The following MACROD2 variants were observed in gnomAD, a reference collection of about 807,000 sequenced individuals.
MACROD2 encodes ADP-ribose glycohydrolase MACROD2.
A neutral mutation model predicts 70.4 loss-of-function variants in MACROD2; 36 were observed. That is an observed-to-expected ratio of 0.51 (90% confidence interval 0.39 to 0.68). The LOEUF is 0.68. MACROD2 is among the 30% of genes least tolerant of loss of function. MACROD2 has a pLI of 0.00. For missense variants in MACROD2, 496 were observed against 538.4 expected (o/e 0.92, Z 0.78); for synonymous variants, 172 against 178.8 (o/e 0.96, Z 0.30).
intron 5 of MACROD2, among the ~76,000 whole-genome samples, chr20:14,732,628 C>T (rs1025134184): frequency 1.3e-5 from 2 of 152,036 alleles, no homozygotes; most frequent in African/African-American, 4.8e-5. Flanking sequence ...TGTTTTAGCC[C>T]GTATCTCAGG....
chr20:15,144,286 T>C (rs1208155971), intron 5 of MACROD2, among the ~76,000 whole-genome samples: 2 of 152,164 alleles, frequency 1.3e-5, no homozygotes, highest in African/African-American at 2.4e-5. Flanking sequence ...TGCAAGTGGT[T>C]GGTGATCAAA....
chr20:15,347,155 A>T (rs7266694), intron 6 of MACROD2, among the ~76,000 whole-genome samples: 1,925 of 152,238 alleles, frequency 0.013, 40 homozygotes, highest in African/African-American at 0.043. Flanking sequence ...CATACTTCAA[A>T]TTATTTCTCA....
chr20:14,527,646 A>G (rs17812749), intron 4 of MACROD2, among the ~76,000 whole-genome samples: 23,172 of 152,242 alleles, frequency 0.15, 2,527 homozygotes, highest in Non-Finnish European at 0.22. Flanking sequence ...CACGCTGTGC[A>G]TTATGGAATC....
chr20:15,037,950 CA>C (rs11087117), intron 5 of MACROD2, among the ~76,000 whole-genome samples: 73,481 of 150,984 alleles, frequency 0.49, 19,075 homozygotes, highest in African/African-American at 0.69. Flanking sequence ...GTTCTCACTA[CA>C]AAAAAAAATG....
chr20:15,059,574 C>T (rs369124467), intron 5 of MACROD2, among the ~76,000 whole-genome samples: 3 of 152,062 alleles, frequency 2.0e-5, no homozygotes, highest in Non-Finnish European at 2.9e-5. Flanking sequence ...ATTAAAGAGA[C>T]AGCTGTGCCA....
At chr20:14,984,506 G>T (rs577543184) in intron 5 of MACROD2, among the ~76,000 whole-genome samples, 2 of 152,216 alleles carry the variant, frequency 1.3e-5, no homozygotes, top group African/African-American at 2.4e-5. Context: ...TTGGTAACTT[G>T]TAATCAGCTG....
chr20:15,885,505 C>A (rs567770717), intron 9 of MACROD2, among the ~76,000 whole-genome samples: 1 of 152,122 alleles, frequency 6.6e-6, no homozygotes, highest in African/African-American at 2.4e-5. Flanking sequence ...GTAAAACAAA[C>A]GATTGCATAT....
intron 2 of MACROD2, among the ~76,000 whole-genome samples, chr20:14,035,192 C>G (rs989243880): frequency 6.6e-6 from 1 of 152,122 alleles, no homozygotes; most frequent in African/African-American, 2.4e-5. Flanking sequence ...TTTGTACTTG[C>G]TATTTCTCTT....
intron 3 of MACROD2, among the ~76,000 whole-genome samples, chr20:14,412,425 A>C (rs533744365): frequency 6.8e-4 from 93 of 137,536 alleles, no homozygotes; most frequent in South Asian, 5.1e-3. Context: ...GATTCATAGG[A>C]GCCACAGAAG....
At chr20:15,576,637 C>A (rs2048452432) in intron 8 of MACROD2, among the ~76,000 whole-genome samples, 1 of 150,246 alleles carries the variant, frequency 6.7e-6, no homozygotes, top group African/African-American at 2.4e-5. Flanking sequence ...CACTCTGAAT[C>A]TTCCACTGTG....
intron 5 of MACROD2, among the ~76,000 whole-genome samples, chr20:14,904,172 A>T (rs1158333356): frequency 2.6e-5 from 4 of 152,124 alleles, no homozygotes; most frequent in Non-Finnish European, 4.4e-5. Context: ...TGGTTCTTGG[A>T]TATAGTTAGT....
intron 4 of MACROD2, among the ~76,000 whole-genome samples, chr20:14,589,977 T>G (rs1378408633): frequency 6.6e-6 from 1 of 152,240 alleles, no homozygotes; most frequent in African/African-American, 2.4e-5. Flanking sequence ...AGTGTTATAT[T>G]GAGCCATGGC....
Position 14,771,173 on chromosome 20 carries a change from T to C in MACROD2, c.418+86214T>C, listed in dbSNP as rs79161478. On this transcript the variant is annotated intron_variant, in intron 5 of 17. Coordinates refer to ENST00000684519, the MANE Select transcript of MACROD2 (RefSeq NM_001351661.2). ...GATGGCTTGAGCTGGAACATCAGTC[T>C]TCTCCTGTTTTGACTGGTACTAGAC... is the stretch of plus-strand genomic sequence containing the variant. Among the ~76,000 whole-genome samples, 718 of 152,222 alleles carry C rather than the reference T, an allele frequency of 4.7e-3. 14 individuals carry two copies. Among genetic ancestry groups the C allele is most frequent in the African/African-American group, 0.017 (690 of 41,494 alleles).
intron 10 of MACROD2, among the ~76,000 whole-genome samples, chr20:15,902,175 C>T (rs987450097): frequency 2.0e-5 from 3 of 152,222 alleles, no homozygotes; most frequent in South Asian, 2.1e-4. Flanking sequence ...CCTCCAACCA[C>T]ATCAGCATAG....
chr20:15,650,087 G>A (rs1292892756), intron 8 of MACROD2, among the ~76,000 whole-genome samples: 1 of 152,156 alleles, frequency 6.6e-6, no homozygotes, highest in East Asian at 1.9e-4. Flanking sequence ...CTTACTTGAT[G>A]TGACTATCAG....
chr20:15,024,544 A>G (rs1386174403), intron 5 of MACROD2, among the ~76,000 whole-genome samples: 2 of 152,048 alleles, frequency 1.3e-5, no homozygotes, highest in African/African-American at 2.4e-5. Flanking sequence ...TAAATATCAT[A>G]ATAAAAAACA....
rs199838731 is a variant in MACROD2 at position 15,624,496 on chromosome 20, A to G, written c.645+124649A>G. Among the ~76,000 whole-genome samples, 7 of 152,342 alleles carry G rather than the reference A, an allele frequency of 4.6e-5. No individual in the cohort carries two copies. The East Asian group carries it at 1.4e-3, about 29-fold the overall frequency. On this transcript the variant is annotated intron_variant, in intron 8 of 17. Coordinates refer to ENST00000684519, the MANE Select transcript of MACROD2 (RefSeq NM_001351661.2). The stretch of plus-strand genomic sequence containing the variant: ...CACCAATCATTTTAGGCATCATTTC[A>G]TATGGTGAGTAGAACTGTGCTATAT...
chr20:15,545,173 T>C (rs2048010478), intron 8 of MACROD2, among the ~76,000 whole-genome samples: 1 of 152,218 alleles, frequency 6.6e-6, no homozygotes, highest in Non-Finnish European at 1.5e-5. Context: ...TTGTTCATCT[T>C]GCAATTCAGA....
chr20:14,526,730 C>T (rs141913894), intron 4 of MACROD2, among the ~76,000 whole-genome samples: 33 of 152,254 alleles, frequency 2.2e-4, no homozygotes, highest in African/African-American at 7.7e-4. Context: ...CTTCAGTGTC[C>T]TGCTGCTGAA....
Sources: gnomAD v4.1 joint callset for allele counts (sites outside exome capture counted in the v4.1 genomes callset) on GRCh38, gnomAD v4.1.1 for gene constraint, MANE v1.5 for transcripts, NCBI Gene and HGNC (gene_info 2026-07-23, HGNC 2026-07-21) for gene names.